Variants in EPB41 observed in about 807,000 individuals in gnomAD.
EPB41 encodes protein 4.1.
In EPB41, 65 loss-of-function variants were observed where a neutral mutation model predicts 108.0. That is an observed-to-expected ratio of 0.60 (90% confidence interval 0.49 to 0.74). The LOEUF (loss-of-function observed/expected upper bound fraction) is 0.74. Ranked by LOEUF, EPB41 falls within the 30% of genes least tolerant of loss-of-function variation. The pLI, the probability that EPB41 is intolerant of heterozygous loss-of-function variation, is 0.00. For missense variants in EPB41, 875 were observed against 1,037.0 expected (o/e 0.84, Z 2.15); for synonymous variants, 336 against 358.9 (o/e 0.94, Z 0.72).
chr1:29,008,274 A>G (rs1202441656), intron 4 of EPB41, among the ~76,000 whole-genome samples: 1 of 151,888 alleles, frequency 6.6e-6, no homozygotes, highest in Non-Finnish European at 1.5e-5. Flanking sequence ...AATAGCTTTA[A>G]CTCTTAATTT....
intron 1 of EPB41, among the ~76,000 whole-genome samples, chr1:28,888,099 G>A (rs972126065): frequency 6.6e-6 from 1 of 152,228 alleles, no homozygotes; most frequent in Non-Finnish European, 1.5e-5. Flanking sequence ...CTCCAGGAGT[G>A]GGGAGGAGAG....
chr1:29,031,333 C>T (rs1207384362), intron 8 of EPB41, among the ~76,000 whole-genome samples: 2 of 152,182 alleles, frequency 1.3e-5, no homozygotes, highest in East Asian at 1.9e-4. Context: ...TCACCTACAT[C>T]GAATCACTGA....
chr1:29,112,258 C>G, intron 18 of EPB41, 110 bp from the exon 19 acceptor site: 2 of 886,822 alleles, frequency 2.3e-6, no homozygotes, highest in South Asian at 2.8e-5. Context: ...ATCTCAGCCT[C>G]CCAAAGTGTT....
chr1:28,941,932 C>T (rs1251917281), intron 1 of EPB41, among the ~76,000 whole-genome samples: 1 of 150,810 alleles, frequency 6.6e-6, no homozygotes, highest in African/African-American at 2.4e-5. Flanking sequence ...ACCTTTCTCC[C>T]TGACTTTACA....
chr1:29,005,464 G>C (rs931184545), intron 4 of EPB41, among the ~76,000 whole-genome samples: 2 of 152,190 alleles, frequency 1.3e-5, no homozygotes, highest in Non-Finnish European at 2.9e-5. Flanking sequence ...CATTTCTGTA[G>C]TTGAAACTTT....
At chr1:28,891,758 G>A (rs2090133231) in intron 1 of EPB41, among the ~76,000 whole-genome samples, 2 of 152,114 alleles carry the variant, frequency 1.3e-5, no homozygotes, top group Admixed American at 1.3e-4. Flanking sequence ...CTGTTGAGAT[G>A]CTTTATCCAG....
intron 1 of EPB41, among the ~76,000 whole-genome samples, chr1:28,900,575 A>C (rs1220464586): frequency 6.6e-6 from 1 of 152,138 alleles, no homozygotes; most frequent in Non-Finnish European, 1.5e-5. Flanking sequence ...GGCATGAGCC[A>C]CTGTGCCTGG....
chr1:28,905,771 T>A, intron 1 of EPB41, among the ~76,000 whole-genome samples: 1 of 151,948 alleles, frequency 6.6e-6, no homozygotes, highest in Admixed American at 6.6e-5. Flanking sequence ...AGGCTGCAAC[T>A]TATTTGCAGT....
intron 17 of EPB41, among the ~76,000 whole-genome samples, chr1:29,098,452 C>T (rs2151498121): frequency 6.6e-6 from 1 of 152,324 alleles, no homozygotes; most frequent in East Asian, 1.9e-4. Flanking sequence ...GTCTTGGCCT[C>T]CCAAAGTGCT....
chr1:28,888,394 G>T (rs1488395364), intron 1 of EPB41, among the ~76,000 whole-genome samples: 1 of 152,198 alleles, frequency 6.6e-6, no homozygotes, highest in Non-Finnish European at 1.5e-5. Flanking sequence ...CCAGTTTCAG[G>T]CCTGGAGGAT....
intron 16 of EPB41, chr1:29,097,327 C>T (rs1663548174): frequency 5.6e-6 from 1 of 177,914 alleles, no homozygotes; most frequent in African/African-American, 2.4e-5. Flanking sequence ...CAAAGTGAAT[C>T]TCTGACATTG....
intron 4 of EPB41, among the ~76,000 whole-genome samples, chr1:28,999,662 C>G (rs2096257232): frequency 6.6e-6 from 1 of 152,180 alleles, no homozygotes; most frequent in African/African-American, 2.4e-5. Flanking sequence ...GAAATAATTT[C>G]TGCTTACAGT....
At chr1:29,079,705 T>A (rs1019901804) in intron 16 of EPB41, among the ~76,000 whole-genome samples, 1 of 152,128 alleles carries the variant, frequency 6.6e-6, no homozygotes, top group African/African-American at 2.4e-5. Context: ...TTGAAAGTAA[T>A]AATTAGTGGC....
intron 12 of EPB41, among the ~76,000 whole-genome samples, chr1:29,056,123 A>G (rs1573245754): frequency 6.6e-6 from 1 of 150,566 alleles, no homozygotes; most frequent in South Asian, 2.1e-4. Context: ...AGTCTCAGCT[A>G]CTCGGGAGGC....
At chr1:28,925,126 C>T (rs560712560) in intron 1 of EPB41, among the ~76,000 whole-genome samples, 2 of 152,172 alleles carry the variant, frequency 1.3e-5, no homozygotes, top group East Asian at 1.9e-4. Flanking sequence ...CCACCATGCC[C>T]GGCTAATTTT....
chr1:28,904,954 C>T (rs2091654907), intron 1 of EPB41, among the ~76,000 whole-genome samples: 1 of 149,858 alleles, frequency 6.7e-6, no homozygotes, highest in Admixed American at 6.7e-5. Context: ...TGGCATGAAC[C>T]TGGGAGGCGG....
intron 15 of EPB41, among the ~76,000 whole-genome samples, chr1:29,061,545 A>G (rs1469323232): frequency 2.1e-5 from 3 of 141,302 alleles, no homozygotes; most frequent in South Asian, 4.6e-4. Flanking sequence ...CTGGGGTTAC[A>G]GGCGTGAGCC....
At chr1:28,947,224 A>G (rs1256490332) in intron 1 of EPB41, among the ~76,000 whole-genome samples, 1 of 152,156 alleles carries the variant, frequency 6.6e-6, no homozygotes, top group Non-Finnish European at 1.5e-5. Context: ...CCTGGCCAAC[A>G]TGGTGAGACC....
intron 16 of EPB41, chr1:29,097,521 CTGAAGTGTTT>C (rs1663637901): frequency 2.3e-6 from 1 of 443,716 alleles, no homozygotes; most frequent in African/African-American, 2.0e-5. Flanking sequence ...GAAGGTCAGT[CTGAAGTGTTT>C]TATATCACCA....
Sources: gnomAD v4.1 joint callset for allele counts (sites outside exome capture counted in the v4.1 genomes callset) on GRCh38, gnomAD v4.1.1 for gene constraint, MANE v1.5 for transcripts, NCBI Gene and HGNC (gene_info 2026-07-23, HGNC 2026-07-21) for gene names.